Variants in AUTS2 observed in about 807,000 individuals in gnomAD.
AUTS2 encodes the protein activator of transcription and developmental regulator AUTS2, also known as autism susceptibility gene 2 protein.
AUTS2 carries 17 observed loss-of-function variants against 112.4 expected under a neutral mutation model. The observed-to-expected ratio is 0.15, with a 90% CI of 0.10 to 0.23. The LOEUF (loss-of-function observed/expected upper bound fraction) is 0.23, where lower values mean the gene tolerates loss of function less well. Among genes scored for constraint, AUTS2 ranks in the 10% least tolerant of loss-of-function variants. The probability of loss-of-function intolerance (pLI) is 1.00; values close to 1 mark genes in which losing one functional copy is unlikely to be tolerated. For missense variants in AUTS2, 1,510 were observed against 1,701.6 expected, an observed-to-expected ratio of 0.89 and a Z score of 1.98; for synonymous variants, 751 against 702.7, an observed-to-expected ratio of 1.07 and a Z score of -1.09.
At chr7:69,629,037 G>A (rs1436833897) in intron 1 of AUTS2, among the ~76,000 whole-genome samples, 1 of 152,170 alleles carries the variant, frequency 6.6e-6, no homozygotes, top group African/African-American at 2.4e-5. Context: ...GCTGCTACGT[G>A]CATTTTGGGA....
In AUTS2 at chr7:70,728,967, C is replaced by T. The variant is rs569676030; in HGVS notation, c.742+30347C>T. Among the ~76,000 whole-genome samples, 28 of 152,206 alleles carry T rather than the reference C, an allele frequency of 1.8e-4. 1 individual carries two copies. The highest frequency in any genetic ancestry group is 6.5e-4 in the African/African-American group (27 of 41,528). On this transcript the variant is annotated intron_variant, in intron 6 of 18. Transcript: ENST00000342771. ...CCTCTCCTCCCAGTTACTCAGTGAACAGCGCTCTCTCCCAAGGGGCCACAT... is the reference window on the plus strand; with the variant it reads ...CCTCTCCTCCCAGTTACTCAGTGAATAGCGCTCTCTCCCAAGGGGCCACAT...
At chr7:70,588,103 A>C (rs1271190425) in intron 5 of AUTS2, among the ~76,000 whole-genome samples, 1 of 152,128 alleles carries the variant, frequency 6.6e-6, no homozygotes, top group Non-Finnish European at 1.5e-5. Context: ...TGTTTCCTGG[A>C]GTCTTGGGTT....
chr7:70,476,154 T>G (rs561246842), intron 5 of AUTS2, among the ~76,000 whole-genome samples: 9 of 152,340 alleles, frequency 5.9e-5, no homozygotes, highest in Non-Finnish European at 4.4e-5. Flanking sequence ...GTATATACAC[T>G]GTTTTTACCC....
chr7:69,848,477 GGTGTGTGCGTGTGTGTTTGTGT>G (rs1414410286), intron 1 of AUTS2, among the ~76,000 whole-genome samples: 1 of 152,102 alleles, frequency 6.6e-6, no homozygotes, highest in Non-Finnish European at 1.5e-5. Context: ...ACTAAACAAG[GGTGTGTGCGTGTGTGTTTGTGT>G]GTGTGTGCAC....
intron 4 of AUTS2, among the ~76,000 whole-genome samples, chr7:70,340,050 A>G (rs961383657): frequency 6.6e-6 from 1 of 152,044 alleles, no homozygotes; most frequent in Non-Finnish European, 1.5e-5. Flanking sequence ...CAAGCAAATT[A>G]CCTTATCCTC....
At chr7:69,985,320 G>A (rs998889209) in intron 2 of AUTS2, among the ~76,000 whole-genome samples, 11 of 151,586 alleles carry the variant, frequency 7.3e-5, no homozygotes, top group African/African-American at 2.7e-4. Flanking sequence ...CAGCAGCTCT[G>A]TGGTTCCATC....
chr7:70,688,214 C>T (rs775491554), intron 5 of AUTS2, among the ~76,000 whole-genome samples: 12 of 152,190 alleles, frequency 7.9e-5, no homozygotes, highest in Admixed American at 2.6e-4. Context: ...CAATTTCCAC[C>T]GTGTCTTCAT....
intron 2 of AUTS2, among the ~76,000 whole-genome samples, chr7:69,916,487 T>C (rs751641426): frequency 2.0e-5 from 3 of 152,224 alleles, no homozygotes; most frequent in Non-Finnish European, 4.4e-5. Flanking sequence ...ACTTCTAGAT[T>C]CATAAACTCA....
At chr7:70,051,606 C>G (rs1299625286) in intron 2 of AUTS2, among the ~76,000 whole-genome samples, 1 of 152,064 alleles carries the variant, frequency 6.6e-6, no homozygotes, top group Non-Finnish European at 1.5e-5. Flanking sequence ...GTAATCCCAG[C>G]TACTCAGGAG....
At chr7:69,914,406 A>AC (rs928857960) in intron 2 of AUTS2, among the ~76,000 whole-genome samples, 1 of 146,656 alleles carries the variant, frequency 6.8e-6, no homozygotes, top group African/African-American at 2.6e-5. Context: ...AACAATCCAG[A>AC]CCCCAATACA....
Position 70,766,609 on chromosome 7 carries a change from C to T in AUTS2, c.1689+275C>T, listed in dbSNP as rs1001165584. 1.2e-4 allele frequency among the ~76,000 whole-genome samples: 18 copies of T among 152,200 alleles called. No individual in the cohort carries two copies. Among genetic ancestry groups the T allele is most frequent in the African/African-American group, 4.3e-4 (18 of 41,446 alleles). On this transcript the variant is annotated intron_variant, in intron 9 of 18. Coordinates refer to ENST00000342771, the MANE Select transcript of AUTS2 (RefSeq NM_015570.4). The surrounding 1 kb of genome is among the most constrained non-coding windows in gnomAD (Gnocchi z 4.8). The stretch of plus-strand genomic sequence containing the variant: ...AAACAGTCATGTCCAGTGTTGATGG[C>T]TAACTTCTTAAAGGGTTGTTTAGTT...
intron 4 of AUTS2, among the ~76,000 whole-genome samples, chr7:70,171,074 T>G (rs1047099380): frequency 6.6e-6 from 1 of 152,216 alleles, no homozygotes; most frequent in Non-Finnish European, 1.5e-5. Context: ...CCAGGTTCTG[T>G]AGTTATTTGT....
intron 1 of AUTS2, among the ~76,000 whole-genome samples, chr7:69,779,669 A>G (rs1179279262): frequency 2.0e-5 from 3 of 151,342 alleles, no homozygotes; most frequent in African/African-American, 7.3e-5. Flanking sequence ...AGGCTGAGGC[A>G]GGAGAATCAC....
In AUTS2 at chr7:70,784,988, C is replaced by A; in HGVS notation, c.2193C>A (p.His731Gln). 6.2e-7 allele frequency: 1 copy of A among 1,614,164 alleles called. No homozygotes were observed. Among genetic ancestry groups the A allele is most frequent in the Non-Finnish European group, 8.5e-7 (1 of 1,180,032 alleles). ...CCCCTTTTGGGCCACCTCCTCATCA[C>A]AGCAACTTCCTCAACCCTGCTGCCC... ...TGTPFGPPPHHSNFLNPAAHL... is the reference protein window; with the variant it reads ...TGTPFGPPPHQSNFLNPAAHL... The change falls in exon 16 of 19, where the codon CAC (histidine) becomes CAA (glutamine). Residue 731 changes from histidine (H) to glutamine (Q), a missense_variant. Transcript: ENST00000342771.
rs368701272 is a variant in AUTS2 at position 70,210,823 on chromosome 7, C to T, written c.660+76252C>T. Among the ~76,000 whole-genome samples the T allele has an allele frequency of 4.5e-4, 69 of 152,304 alleles. 2 individuals carry two copies. The South Asian group carries it at 0.013, about 30-fold the overall frequency. On this transcript the variant is annotated intron_variant, in intron 4 of 18. Coordinates refer to ENST00000342771, the MANE Select transcript of AUTS2 (RefSeq NM_015570.4). The stretch of plus-strand genomic sequence containing the variant: ...AGAACCAAGCTCGTGTTCTTATAAG[C>T]TCATCCTTATATTTTCCCATTGTAT...
intron 4 of AUTS2, among the ~76,000 whole-genome samples, chr7:70,434,082 G>A (rs1217225098): frequency 6.6e-6 from 1 of 152,156 alleles, no homozygotes; most frequent in Non-Finnish European, 1.5e-5. Context: ...TACGTATCTG[G>A]ACATCACGTT....
At chr7:69,760,894 T>A (rs555825632) in intron 1 of AUTS2, among the ~76,000 whole-genome samples, 1 of 152,240 alleles carries the variant, frequency 6.6e-6, no homozygotes, top group African/African-American at 2.4e-5. Context: ...TAAGAAAATA[T>A]GTTTTGAGAT....
intron 2 of AUTS2, among the ~76,000 whole-genome samples, chr7:69,966,136 T>C (rs1359052384): frequency 6.6e-6 from 1 of 152,138 alleles, no homozygotes; most frequent in Non-Finnish European, 1.5e-5. Context: ...TTAAATGATG[T>C]TTTAGGTCTC....
chr7:69,606,310 C>T (rs900224667), intron 1 of AUTS2, among the ~76,000 whole-genome samples: 8 of 152,080 alleles, frequency 5.3e-5, no homozygotes, highest in African/African-American at 1.7e-4. Flanking sequence ...ATGAGGTCCC[C>T]AGATGGACAC....
Sources: allele counts gnomAD v4.1 joint callset (sites outside exome capture counted in the v4.1 genomes callset), GRCh38; gene constraint gnomAD v4.1.1; non-coding constraint Gnocchi (gnomAD v3.1); transcripts MANE v1.5; gene names NCBI Gene and HGNC (gene_info 2026-07-23, HGNC 2026-07-21).